Variants in STIM1 observed in about 807,000 individuals in gnomAD.
STIM1 encodes the protein stromal interaction molecule 1.
STIM1 carries 25 observed loss-of-function variants against 74.7 expected under a neutral mutation model. The ratio of observed to expected loss-of-function variants is 0.33; its 90% CI spans 0.24 to 0.47. STIM1 has a LOEUF of 0.47. Ranked by LOEUF, STIM1 falls within the 20% of genes least tolerant of loss-of-function variation. STIM1 has a pLI of 1.00. For missense variants in STIM1, 728 were observed against 920.8 expected (o/e 0.79, Z 2.71); for synonymous variants, 328 against 348.8 (o/e 0.94, Z 0.66).
intron 6 of STIM1, among the ~76,000 whole-genome samples, chr11:4,073,539 G>A (rs1302557545): frequency 4.6e-5 from 7 of 152,104 alleles, no homozygotes; most frequent in African/African-American, 1.2e-4. Context: ...CTGATTTATC[G>A]CCACGTATTT....
intron 2 of STIM1, among the ~76,000 whole-genome samples, chr11:3,971,331 C>A (rs2093391762): frequency 6.6e-6 from 1 of 151,758 alleles, no homozygotes; most frequent in Admixed American, 6.6e-5. Context: ...AGATTGAGAC[C>A]ATCCTGGCTA....
intron 1 of STIM1, among the ~76,000 whole-genome samples, chr11:3,943,309 C>T (rs2093032900): frequency 6.6e-6 from 1 of 152,134 alleles, no homozygotes; most frequent in Admixed American, 6.5e-5. Context: ...ATAAGATTGC[C>T]ACATGCTATC....
chr11:3,862,725 C>T (rs376793065), intron 1 of STIM1, among the ~76,000 whole-genome samples: 12 of 152,006 alleles, frequency 7.9e-5, no homozygotes, highest in Non-Finnish European at 8.8e-5. Flanking sequence ...GGATTACAGA[C>T]GTGAGCCACC....
chr11:4,079,216 G>A (rs1299657739), intron 7 of STIM1, among the ~76,000 whole-genome samples: 1 of 152,010 alleles, frequency 6.6e-6, no homozygotes, highest in Non-Finnish European at 1.5e-5. Flanking sequence ...GCCTGAACCT[G>A]GGAGGCGGAG....
chr11:4,016,113 G>A (rs1050060539), intron 2 of STIM1, among the ~76,000 whole-genome samples: 2 of 152,174 alleles, frequency 1.3e-5, no homozygotes, highest in Non-Finnish European at 1.5e-5. Context: ...TTCCTTTGGA[G>A]GAGAAGAGGC....
chr11:4,025,253 A>T (rs918484293), intron 3 of STIM1, among the ~76,000 whole-genome samples: 2 of 152,228 alleles, frequency 1.3e-5, no homozygotes, highest in Non-Finnish European at 2.9e-5. Context: ...TCTATATTGT[A>T]GATGGGGAGC....
In STIM1 at chr11:4,002,304, A is replaced by G. The variant is rs550364589; in HGVS notation, c.271-21569A>G. On this transcript the variant is annotated intron_variant, in intron 2 of 12. Transcript: ENST00000526596. The stretch of plus-strand genomic sequence containing the variant: ...TATACATTTTTTTCAGCACCACACC[A>G]TGCCTATTCCAAAATTGACCACATA... Among the ~76,000 whole-genome samples the G allele has an allele frequency of 3.8e-3, 579 of 152,288 alleles. 3 individuals carry two copies. Among genetic ancestry groups the G allele is most frequent in the African/African-American group, 0.013 (545 of 41,552 alleles).
intron 7 of STIM1, among the ~76,000 whole-genome samples, chr11:4,078,569 C>CTTT (rs769040845): frequency 7.0e-6 from 1 of 141,970 alleles, no homozygotes; most frequent in African/African-American, 2.6e-5. Flanking sequence ...TAGGACTCTA[C>CTTT]TTTTTTTTTT....
At chr11:3,915,956 G>A (rs952351541) in intron 1 of STIM1, among the ~76,000 whole-genome samples, 1 of 152,096 alleles carries the variant, frequency 6.6e-6, no homozygotes, top group Admixed American at 6.5e-5. Context: ...CTACTTGGGA[G>A]CTGAGGCAGG....
At chr11:3,874,003 C>G (rs1045445823) in intron 1 of STIM1, among the ~76,000 whole-genome samples, 1 of 152,180 alleles carries the variant, frequency 6.6e-6, no homozygotes, top group East Asian at 1.9e-4. Context: ...TCACTACTTT[C>G]CTTGCACTAG....
chr11:3,926,327 G>C (rs1212626514), intron 1 of STIM1, among the ~76,000 whole-genome samples: 1 of 152,150 alleles, frequency 6.6e-6, no homozygotes, highest in Non-Finnish European at 1.5e-5. Context: ...CGAAATACAT[G>C]ACATACAGAC....
At chr11:4,076,778 C>T (rs2094440142) in intron 7 of STIM1, among the ~76,000 whole-genome samples, 2 of 137,466 alleles carry the variant, frequency 1.5e-5, no homozygotes, top group Non-Finnish European at 1.6e-5. Context: ...ATTGTGGTTC[C>T]TTTTTTGGGA....
chr11:3,863,995 C>T (rs961531727), intron 1 of STIM1, among the ~76,000 whole-genome samples: 1 of 151,908 alleles, frequency 6.6e-6, no homozygotes, highest in Non-Finnish European at 1.5e-5. Context: ...TAGCATGCAT[C>T]CCCCGAGAAT....
rs73431654 is a variant in STIM1 at position 4,050,695 on chromosome 11, T to C, written c.386-4831T>C. On this transcript the variant is annotated intron_variant, in intron 3 of 12. Coordinates refer to ENST00000526596, the MANE Select transcript of STIM1 (RefSeq NM_001382567.1). ...GGGGTTAGGGGTGCTGACTGTCCCT[T>C]TTCCCCCATGTAGTCAGAAATCCAC... 8.3e-3 allele frequency among the ~76,000 whole-genome samples: 1,261 copies of C among 152,288 alleles called. 17 individuals are homozygous for C. The highest frequency in any genetic ancestry group is 0.029 in the African/African-American group (1,204 of 41,566).
chr11:3,942,577 G>C (rs952575218), intron 1 of STIM1, among the ~76,000 whole-genome samples: 3 of 152,172 alleles, frequency 2.0e-5, no homozygotes, highest in African/African-American at 7.2e-5. Context: ...TGGGTTTGGT[G>C]ATGGACCGGT....
chr11:3,888,262 T>C (rs945859132), intron 1 of STIM1: 2 of 152,208 alleles, frequency 1.3e-5, no homozygotes, highest in Non-Finnish European at 2.9e-5. Context: ...AGCTTGTTTT[T>C]CATTTGGGGC....
chr11:4,030,318 C>T (rs1295733224), intron 3 of STIM1, among the ~76,000 whole-genome samples: 1 of 128,122 alleles, frequency 7.8e-6, no homozygotes, highest in Non-Finnish European at 1.6e-5. Context: ...AAGAGTGAAA[C>T]TCCATCTCAA....
intron 7 of STIM1, among the ~76,000 whole-genome samples, chr11:4,075,009 C>T (rs566189852): frequency 3.9e-5 from 6 of 152,120 alleles, no homozygotes; most frequent in Admixed American, 2.0e-4. Flanking sequence ...GGTGTGGCGG[C>T]GGGCACCTGT....
intron 3 of STIM1, among the ~76,000 whole-genome samples, chr11:4,054,638 A>G (rs1490489091): frequency 6.6e-6 from 1 of 152,192 alleles, no homozygotes; most frequent in Admixed American, 6.5e-5. Flanking sequence ...TAGGTGGAAC[A>G]GTTTCATGCT....
Sources: allele counts gnomAD v4.1 joint callset (sites outside exome capture counted in the v4.1 genomes callset), GRCh38; gene constraint gnomAD v4.1.1; transcripts MANE v1.5; gene names NCBI Gene and HGNC (gene_info 2026-07-23, HGNC 2026-07-21).